Variants in KRT23 observed in about 807,000 individuals in gnomAD.
KRT23 encodes keratin 23, also known as keratin, type I cytoskeletal 23.
Under a neutral mutation model 47.6 loss-of-function variants are expected in KRT23, and 38 were observed. The ratio of observed to expected loss-of-function variants is 0.80; its 90% CI spans 0.62 to 1.05. KRT23 has a LOEUF of 1.05. KRT23 is among the 50% of genes least tolerant of loss of function. KRT23 has a pLI of 0.00. For missense variants in KRT23, 503 were observed against 529.5 expected, an observed-to-expected ratio of 0.95 and a Z score of 0.49; for synonymous variants, 191 against 199.0, an observed-to-expected ratio of 0.96 and a Z score of 0.34.
chr17:40,925,926 C>T (rs971813215), intron 6 of KRT23, among the ~76,000 whole-genome samples: 1 of 152,174 alleles, frequency 6.6e-6, no homozygotes, highest in Non-Finnish European at 1.5e-5. Flanking sequence ...AAATAGAGAA[C>T]ATCTAGTTAA....
chr17:40,927,395 T>C (rs1469083788), intron 6 of KRT23, among the ~76,000 whole-genome samples: 8 of 152,246 alleles, frequency 5.3e-5, no homozygotes, highest in Non-Finnish European at 1.2e-4. Flanking sequence ...ATTATTTTTG[T>C]ACTCATGATC....
At chr17:40,935,823 A>G in intron 2 of KRT23, among the ~76,000 whole-genome samples, 1 of 152,254 alleles carries the variant, frequency 6.6e-6, no homozygotes, top group East Asian at 1.9e-4. Context: ...AGCATGCAGC[A>G]TGAACACCAG....
chr17:40,926,380 A>G (rs138540434), intron 6 of KRT23, among the ~76,000 whole-genome samples: 4 of 152,332 alleles, frequency 2.6e-5, no homozygotes, highest in Admixed American at 2.0e-4. Flanking sequence ...CTGGTCAGCC[A>G]GTCTCCTACT....
chr17:40,927,411 G>T (rs1185917729), intron 6 of KRT23, among the ~76,000 whole-genome samples: 1 of 152,234 alleles, frequency 6.6e-6, no homozygotes, highest in South Asian at 2.1e-4. Flanking sequence ...TGATCTCTAC[G>T]TGCACATTTG....
At chr17:40,929,799 T>C in intron 4 of KRT23, 141 bp downstream of exon 4, 1 of 623,160 alleles carries the variant, frequency 1.6e-6, no homozygotes, top group Non-Finnish European at 2.7e-6. Flanking sequence ...TAGATATTTG[T>C]ATGTTTTTCT....
chr17:40,927,367 T>TAACATAAAAAAA (rs1411934864), intron 6 of KRT23, among the ~76,000 whole-genome samples: 1 of 152,196 alleles, frequency 6.6e-6, no homozygotes, highest in Non-Finnish European at 1.5e-5. Flanking sequence ...GTTAAAACGT[T>TAACATAAAAAAA]TTGAAAGTTG....
chr17:40,929,889 T>G (rs1487732162), intron 4 of KRT23, 51 bp downstream of exon 4: 2 of 1,537,346 alleles, frequency 1.3e-6, no homozygotes, highest in Non-Finnish European at 1.8e-6. Flanking sequence ...CAGCCTGAGA[T>G]GTGCAGGCTA....
chr17:40,924,407 A>T, intron 8 of KRT23, 65 bp downstream of exon 8: 1 of 1,360,382 alleles, frequency 7.4e-7, no homozygotes, highest in Non-Finnish European at 1.1e-6. Context: ...TATGACTACT[A>T]CAAAATGGAT....
At position 40,937,554 on chromosome 17, in the gene KRT23, T is replaced by C. The variant is rs1219904929; in HGVS notation, c.-559A>G. Reference sequence around the variant, plus strand: ...AGGAAACCTGCCATGGGCTGTCAAATGTGGTTGATGAATCTTATATTTCAT... The same window carrying C: ...AGGAAACCTGCCATGGGCTGTCAAACGTGGTTGATGAATCTTATATTTCAT... On this transcript the variant is annotated 5_prime_UTR_variant, in exon 1 of 9. Coordinates refer to ENST00000209718, the MANE Select transcript of KRT23 (RefSeq NM_015515.5). The C allele has an allele frequency of 3.3e-5, 5 of 152,216 alleles. No homozygotes were observed. The highest frequency in any genetic ancestry group is 7.3e-5 in the Non-Finnish European group (5 of 68,060). 9.4% of individuals were successfully genotyped at this position (152,216 alleles called of 1,614,324 possible). A position where few individuals can be genotyped will look rare whatever the true frequency, so the allele number is the denominator to read the frequency against.
At position 40,931,464 on chromosome 17, in the gene KRT23, CATGCACAA is replaced by C. The variant is rs781195967; in HGVS notation, c.397-17_397-10del. On this transcript the variant is annotated splice_polypyrimidine_tract_variant and intron_variant, in intron 2 of 8. Transcript: ENST00000209718. ...ATCTTACCATCCACTATCTGTAAAA[CATGCACAA>C]AAGCACAAAAGGTTATCTCACTTGG... The C allele has an allele frequency of 1.1e-5, 17 of 1,608,988 alleles. No individual in the cohort carries two copies. The South Asian group carries it at 1.9e-4, about 18-fold the overall frequency.
intron 3 of KRT23, 143 bp from the exon 4 acceptor site, chr17:40,930,239 C>A: frequency 1.5e-6 from 1 of 662,928 alleles, no homozygotes; most frequent in Admixed American, 3.1e-5. Context: ...CTTTTTTATG[C>A]CAGTTTCATG....
At chr17:40,927,954 T>C (rs912629282) in intron 6 of KRT23, among the ~76,000 whole-genome samples, 2 of 152,166 alleles carry the variant, frequency 1.3e-5, no homozygotes, top group Non-Finnish European at 2.9e-5. Context: ...GGAGTTTTGG[T>C]TTCCTCATCT....
intron 8 of KRT23, 123 bp downstream of exon 8, chr17:40,924,349 T>TGACCCAGGACATTTTG (rs1326040580): frequency 1.4e-6 from 1 of 719,588 alleles, no homozygotes; most frequent in African/African-American, 1.8e-5. Flanking sequence ...TGAAGATTCC[T>TGACCCAGGACATTTTG]GACCCAGGAC....
intron 3 of KRT23, 136 bp downstream of exon 3, chr17:40,931,237 C>T: frequency 1.6e-6 from 1 of 632,532 alleles, no homozygotes; most frequent in Middle Eastern, 2.8e-4. Flanking sequence ...GTCTCGATCT[C>T]TTGACCTCGT....
At chr17:40,931,263 G>T in intron 3 of KRT23, 110 bp downstream of exon 3, 1 of 740,468 alleles carries the variant, frequency 1.4e-6, no homozygotes, top group Non-Finnish European at 2.4e-6. Context: ...GCCCGCCTTG[G>T]CCTCCCAAAG....
intron 3 of KRT23, 66 bp downstream of exon 3, chr17:40,931,307 G>C: frequency 8.0e-7 from 1 of 1,255,180 alleles, no homozygotes; most frequent in South Asian, 1.2e-5. Flanking sequence ...ACCGCGCCCC[G>C]CCGAGTTTTC....
At chr17:40,925,737 G>A (rs1909189321) in intron 6 of KRT23, among the ~76,000 whole-genome samples, 163 bp from the exon 7 acceptor site, 1 of 152,158 alleles carries the variant, frequency 6.6e-6, no homozygotes, top group South Asian at 2.1e-4. Flanking sequence ...TTTGGGACTT[G>A]GGCAGTCAGG....
rs756211767 is a variant in KRT23 at position 40,928,388 on chromosome 17, C to A, written c.799-28G>T. On this transcript the variant is annotated intron_variant, in intron 5 of 8. Transcript: ENST00000209718. ...GTGGGACCAAGCAAGGCAAAGGCGTCAGCATTGGGACCTCATGGAAATGCA... is the reference window on the plus strand; with the variant it reads ...GTGGGACCAAGCAAGGCAAAGGCGTAAGCATTGGGACCTCATGGAAATGCA... 3 of 1,614,168 alleles carry A rather than the reference C, an allele frequency of 1.9e-6. No individual in the cohort carries two copies. In the East Asian group the frequency reaches 6.7e-5, roughly 36 times the overall value.
rs747878747 is a variant in KRT23, at chr17:40,930,116, A to G, written c.480-20T>C. 6.8e-6 allele frequency: 11 copies of G among 1,608,800 alleles called. No homozygotes were observed. The highest frequency in any genetic ancestry group is 2.7e-5 in the African/African-American group (2 of 74,770). ...TCATACCTTTGGTGAGAAGGAAGAGAAGAGTGCACTCATTGTTGGAAGGCC... is the reference window on the plus strand; with the variant it reads ...TCATACCTTTGGTGAGAAGGAAGAGGAGAGTGCACTCATTGTTGGAAGGCC... On this transcript the variant is annotated intron_variant, in intron 3 of 8. Transcript: ENST00000209718.
Sources: allele counts gnomAD v4.1 joint callset (sites outside exome capture counted in the v4.1 genomes callset), GRCh38; gene constraint gnomAD v4.1.1; transcripts MANE v1.5; gene names NCBI Gene and HGNC (gene_info 2026-07-23, HGNC 2026-07-21).